Variants in MYOM2 observed in about 807,000 individuals in gnomAD.
The protein encoded by MYOM2 is myomesin-2.
A neutral mutation model predicts 187.6 loss-of-function variants in MYOM2; 254 were observed. The ratio of observed to expected loss-of-function variants is 1.35; its 90% confidence interval spans 1.22 to 1.50. MYOM2 has a LOEUF of 1.50. Among genes scored for constraint, MYOM2 ranks in the 40% most tolerant of loss-of-function variants. The pLI is 0.00. For missense variants in MYOM2, 2,796 were observed against 1,924.0 expected, an observed-to-expected ratio of 1.45 and a Z score of -8.48; for synonymous variants, 981 against 753.8, an observed-to-expected ratio of 1.30 and a Z score of -4.94.
rs140335541 is a variant in MYOM2 at position 2,050,823 on chromosome 8, C to T, written c.57C>T (p.Ser19=). ...AGAGACATAGGCACTTCGACCAGTC[C>T]TACCGTAATATTCAAACACGGTACC... ...YQKRHRHFDQ[S]YRNIQTRYLL... is the part of the protein sequence containing the mutation. Residue 19 remains serine (S), a synonymous_variant, in exon 2 of 37, where the codon TCC becomes TCT. Coordinates refer to ENST00000262113, the MANE Select transcript of MYOM2 (RefSeq NM_003970.4). 3.4e-4 allele frequency: 553 copies of T among 1,613,556 alleles called. 5 individuals carry two copies. The African/African-American group carries it at 5.7e-3, about 17-fold the overall frequency.
chr8:2,085,089 T>C, intron 13 of MYOM2, 174 bp from the exon 14 acceptor site: 2 of 677,442 alleles, frequency 3.0e-6, no homozygotes, highest in South Asian at 3.9e-5. Context: ...CTGATCTTTA[T>C]TGGTGCCTTA....
chr8:2,100,866 G>A lies in MYOM2; in HGVS notation c.2441-10G>A, dbSNP rs370156977. The A allele has an allele frequency of 1.9e-5, 30 of 1,613,736 alleles. No individual in the cohort carries two copies. Among genetic ancestry groups the A allele is most frequent in the African/African-American group, 4.0e-5 (3 of 74,912 alleles). On this transcript the variant is annotated splice_polypyrimidine_tract_variant and intron_variant, in intron 19 of 36. Coordinates refer to ENST00000262113, the MANE Select transcript of MYOM2 (RefSeq NM_003970.4). ...TGCGCGCAGAAACAAGGTGGCATCT[G>A]ACTTCACAGGTCCTGCCTACGACTT...
chr8:2,117,799 G>A (rs1039134815), intron 27 of MYOM2, 86 bp from the exon 28 acceptor site: 3 of 816,600 alleles, frequency 3.7e-6, no homozygotes, highest in Non-Finnish European at 5.8e-6. Flanking sequence ...ATGCATATAT[G>A]TGTGGGTATA....
At chr8:2,068,143 C>T (rs1819079455) in intron 6 of MYOM2, among the ~76,000 whole-genome samples, 1 of 152,012 alleles carries the variant, frequency 6.6e-6, no homozygotes, top group South Asian at 2.1e-4. Flanking sequence ...AGGCAGAGAG[C>T]ATACCGGGGG....
rs181753605 is a variant in MYOM2 at position 2,057,935 on chromosome 8, C to T, written c.560+155C>T. Among the ~76,000 whole-genome samples, 611 of 147,388 alleles carry T rather than the reference C, an allele frequency of 4.1e-3. 4 individuals carry two copies. Among genetic ancestry groups the T allele is most frequent in the Non-Finnish European group, 6.5e-3 (440 of 67,330 alleles). ...TATGTTTATAGAAGCTCTGAACGTT[C>T]ACTTTAACTCATATGCAAACATTTT... On this transcript the variant is annotated intron_variant, in intron 5 of 36. Coordinates refer to ENST00000262113, the MANE Select transcript of MYOM2 (RefSeq NM_003970.4).
At chr8:2,095,925 C>T (rs1239656636) in intron 17 of MYOM2, among the ~76,000 whole-genome samples, 5 of 152,076 alleles carry the variant, frequency 3.3e-5, no homozygotes, top group Admixed American at 2.0e-4. Context: ...TTCAAGGGGC[C>T]GAGAAGACAG....
At chr8:2,107,169 G>A (rs2116804868) in intron 23 of MYOM2, among the ~76,000 whole-genome samples, 1 of 152,218 alleles carries the variant, frequency 6.6e-6, no homozygotes, top group East Asian at 1.9e-4. Flanking sequence ...CATGCAGGCA[G>A]GGCTGATTTT....
At chr8:2,063,814 C>T (rs912374912) in intron 6 of MYOM2, among the ~76,000 whole-genome samples, 1 of 152,178 alleles carries the variant, frequency 6.6e-6, no homozygotes, top group Admixed American at 6.5e-5. Flanking sequence ...TAGGGGCCTT[C>T]AAACAGATAC....
intron 18 of MYOM2, among the ~76,000 whole-genome samples, chr8:2,098,510 T>G (rs1796572406): frequency 6.6e-6 from 1 of 152,176 alleles, no homozygotes; most frequent in South Asian, 2.1e-4. Flanking sequence ...CCTCGAAGCC[T>G]CCGCCCTTGA....
At chr8:2,058,981 CA>C (rs1818762937) in intron 5 of MYOM2, among the ~76,000 whole-genome samples, 171 bp from the exon 6 acceptor site, 1 of 152,224 alleles carries the variant, frequency 6.6e-6, no homozygotes, top group Non-Finnish European at 1.5e-5. Context: ...CCTTAGAAAG[CA>C]AAACCAGTGC....
At chr8:2,074,126 A>G (rs1819332854) in intron 10 of MYOM2, among the ~76,000 whole-genome samples, 1 of 152,234 alleles carries the variant, frequency 6.6e-6, no homozygotes, top group South Asian at 2.1e-4. Flanking sequence ...TTATGAAAAG[A>G]AAGACAATAT....
chr8:2,104,471 G>C (rs1158700944), intron 21 of MYOM2, among the ~76,000 whole-genome samples: 2 of 152,102 alleles, frequency 1.3e-5, no homozygotes, highest in African/African-American at 4.8e-5. Context: ...TGGGCATGGT[G>C]TTGGGCGCCT....
chr8:2,068,622 C>A (rs78857649), intron 6 of MYOM2, among the ~76,000 whole-genome samples: 4,638 of 152,320 alleles, frequency 0.03, 117 homozygotes, highest in South Asian at 0.06. Context: ...CTGGGCGCAG[C>A]TCTTCAATGC....
chr8:2,108,899 T>A, intron 24 of MYOM2, 69 bp downstream of exon 24: 1 of 1,484,322 alleles, frequency 6.7e-7, no homozygotes, highest in South Asian at 1.1e-5. Context: ...CATTAATGCA[T>A]GAGCTCTTGG....
intron 6 of MYOM2, among the ~76,000 whole-genome samples, chr8:2,068,374 G>C (rs1819092272): frequency 6.7e-6 from 1 of 148,976 alleles, no homozygotes; most frequent in Non-Finnish European, 1.5e-5. Context: ...ACCAGGCGGA[G>C]AGCATCCTGG....
intron 11 of MYOM2, 183 bp downstream of exon 11, chr8:2,076,465 T>C (rs1487295130): frequency 1.3e-6 from 1 of 775,362 alleles, no homozygotes; most frequent in African/African-American, 1.8e-5. Flanking sequence ...CCAAGTAGGC[T>C]GAGCCCAGCA....
intron 13 of MYOM2, among the ~76,000 whole-genome samples, chr8:2,083,701 AC>A (rs1346668185): frequency 6.6e-6 from 1 of 151,794 alleles, no homozygotes; most frequent in Non-Finnish European, 1.5e-5. Context: ...GGCTCGAGGG[AC>A]CCTTTTGAAC....
chr8:2,143,994 G>C (rs1159368887), intron 36 of MYOM2, among the ~76,000 whole-genome samples: 2 of 152,226 alleles, frequency 1.3e-5, no homozygotes, highest in African/African-American at 2.4e-5. Context: ...ATATCTAATT[G>C]ATAGCTGTCT....
In MYOM2 at chr8:2,120,488, C is replaced by T. The variant is rs530167991; in HGVS notation, c.3453+2536C>T. 6.7e-5 allele frequency among the ~76,000 whole-genome samples: 10 copies of T among 149,688 alleles called. No individual in the cohort carries two copies. In the South Asian group the frequency reaches 1.3e-3, roughly 19 times the overall value. ...TCTGCAGTGCACTCGGGAGTGGACC[C>T]GGGCAAGGGGATTTGCAGGAGGATG... is the stretch of plus-strand genomic sequence containing the variant. On this transcript the variant is annotated intron_variant, in intron 28 of 36. Transcript: ENST00000262113.
Sources: gnomAD v4.1 joint callset for allele counts (sites outside exome capture counted in the v4.1 genomes callset) on GRCh38, gnomAD v4.1.1 for gene constraint, MANE v1.5 for transcripts, NCBI Gene and HGNC (gene_info 2026-07-23, HGNC 2026-07-21) for gene names.